The following LRRC19 variants were observed in gnomAD, a reference collection of about 807,000 sequenced individuals.
LRRC19 encodes leucine-rich repeat-containing protein 19.
In LRRC19, 33 loss-of-function variants were observed where a neutral mutation model predicts 33.3. The observed-to-expected ratio is 0.99, with a 90% CI of 0.75 to 1.33. The LOEUF (loss-of-function observed/expected upper bound fraction) is 1.33. LRRC19 is among the 40% of genes most tolerant of loss of function. The pLI is 0.00. For missense variants in LRRC19, 463 were observed against 417.3 expected (o/e 1.11, Z -0.95); for synonymous variants, 184 against 152.3 (o/e 1.21, Z -1.53).
At chr9:26,995,880 AAG>A (rs1175272177) in intron 4 of LRRC19, 31 bp from the exon 5 acceptor site, 1 of 1,510,078 alleles carries the variant, frequency 6.6e-7, no homozygotes, top group Admixed American at 2.2e-5. Context: ...AGGAGAGAGA[AAG>A]AAAATTTGTT....
At chr9:26,999,809 A>AG in intron 1 of LRRC19, 106 bp from the exon 2 acceptor site, 1 of 605,534 alleles carries the variant, frequency 1.7e-6, no homozygotes, top group Non-Finnish European at 2.5e-6. Context: ...ACAGGGTCTC[A>AG]CTCTGTCACA....
At chr9:27,001,300 C>CT (rs1047884153) in intron 1 of LRRC19, among the ~76,000 whole-genome samples, 2 of 151,812 alleles carry the variant, frequency 1.3e-5, no homozygotes, top group African/African-American at 2.4e-5. Flanking sequence ...ATATTCATCT[C>CT]TTTTTTTTAA....
chr9:26,994,612 G>C lies in LRRC19; in HGVS notation c.*909C>G, dbSNP rs1213565848. On this transcript the variant is annotated 3_prime_UTR_variant, in exon 5 of 5. Coordinates refer to ENST00000380055, the MANE Select transcript of LRRC19 (RefSeq NM_022901.3). Reference sequence around the variant, plus strand: ...CTACTAGTTTTTCCTGTAGTAATTTGACCATGTACCTCCTTCTTCTTCTGT... The same window carrying C: ...CTACTAGTTTTTCCTGTAGTAATTTCACCATGTACCTCCTTCTTCTTCTGT... 1 of 149,456 alleles carries C rather than the reference G, an allele frequency of 6.7e-6. No homozygotes were observed. The highest frequency in any genetic ancestry group is 2.0e-4 in the East Asian group (1 of 5,064). The allele number at this position is 149,456 out of a possible 1,614,324, so 9.3% of individuals were successfully genotyped here. A position where few individuals can be genotyped will look rare whatever the true frequency, so the allele number is the denominator to read the frequency against.
chr9:26,996,871 T>G (rs1316577401), intron 3 of LRRC19, among the ~76,000 whole-genome samples: 1 of 152,190 alleles, frequency 6.6e-6, no homozygotes, highest in East Asian at 1.9e-4. Flanking sequence ...ATATTGACTT[T>G]GCTAACAATA....
intron 1 of LRRC19, among the ~76,000 whole-genome samples, chr9:27,003,918 C>G (rs1828639506): frequency 1.3e-5 from 2 of 152,150 alleles, no homozygotes; most frequent in South Asian, 4.1e-4. Flanking sequence ...GTGTTCAGCT[C>G]CTTCAATGGC....
At chr9:27,001,337 C>A (rs1352563458) in intron 1 of LRRC19, among the ~76,000 whole-genome samples, 1 of 151,990 alleles carries the variant, frequency 6.6e-6, no homozygotes, top group Non-Finnish European at 1.5e-5. Context: ...ATTACTGGAT[C>A]AAATGTAAAT....
rs534232228 is a variant in LRRC19 at position 26,993,987 on chromosome 9, T to C, written c.*1534A>G. On this transcript the variant is annotated 3_prime_UTR_variant, in exon 5 of 5. Transcript: ENST00000380055. ...GTTTTTAATGTACTGTTTGCATTGA[T>C]AAATTATTAAATTGTGATTATAGCC... 6.6e-6 allele frequency: 1 copy of C among 152,348 alleles called. No homozygotes were observed. The highest frequency in any genetic ancestry group is 2.4e-5 in the African/African-American group (1 of 41,580). 9.4% of individuals were successfully genotyped at this position (152,348 alleles called of 1,614,324 possible).
intron 1 of LRRC19, among the ~76,000 whole-genome samples, chr9:27,000,910 C>T (rs760146260): frequency 6.6e-6 from 1 of 152,086 alleles, no homozygotes; most frequent in Non-Finnish European, 1.5e-5. Flanking sequence ...TTTTTTTAAG[C>T]AAACTGTATG....
chr9:26,995,863 C>T lies in LRRC19; in HGVS notation c.785-14G>A, dbSNP rs1689509824. ...GAGGTTCATGTTCTTTAATGGAATA[C>T]CAAGAGAGGAGAGAGAAAGAAAATT... On this transcript the variant is annotated splice_polypyrimidine_tract_variant and intron_variant, in intron 4 of 4. Coordinates refer to ENST00000380055, the MANE Select transcript of LRRC19 (RefSeq NM_022901.3). 6.4e-7 allele frequency: 1 copy of T among 1,562,276 alleles called. No individual in the cohort carries two copies. Among genetic ancestry groups the T allele is most frequent in the African/African-American group, 1.4e-5 (1 of 72,806 alleles).
In LRRC19 at chr9:26,995,348, T is replaced by G. The variant is rs1334344569; in HGVS notation, c.*173A>C. 1.9e-6 allele frequency: 1 copy of G among 537,134 alleles called. No homozygotes were observed. Among genetic ancestry groups the G allele is most frequent in the Non-Finnish European group, 3.3e-6 (1 of 300,372 alleles). 33.3% of individuals were successfully genotyped at this position (537,134 alleles called of 1,614,324 possible). ...CTACCGAGGAGTGTCAGTTACTGTA[T>G]TTGAACCTGCTTGCTCAATATAATG... On this transcript the variant is annotated 3_prime_UTR_variant, in exon 5 of 5. Transcript: ENST00000380055.
rs909233568 is a variant in LRRC19, at chr9:26,997,738, A to T, written c.585T>A (p.Asn195Lys). 6.2e-7 allele frequency: 1 copy of T among 1,601,446 alleles called. No individual in the cohort carries two copies. The highest frequency in any genetic ancestry group is 8.5e-7 in the Non-Finnish European group (1 of 1,176,264). ...ATTATGATAGCTTACCTAATGTCAC[A>T]TTTGATGTGTTCAACCAGTTCTGCA... ...FNLQNWLNTS[N>K]VTLENENITM... The change falls in exon 3 of 5, where the codon AAT becomes AAA. Residue 195 changes from asparagine to lysine, a missense_variant. Coordinates refer to ENST00000380055, the MANE Select transcript of LRRC19 (RefSeq NM_022901.3).
In LRRC19 at chr9:26,997,414, A is replaced by G. The variant is rs368360596; in HGVS notation, c.595+314T>C. ...AGTGGCACGATCTCGGCTCACTGTA[A>G]CATCTGCCTCCCAGGTTCAAGCAAT... On this transcript the variant is annotated intron_variant, in intron 3 of 4. Transcript: ENST00000380055. Among the ~76,000 whole-genome samples, 833 of 149,534 alleles carry G rather than the reference A, an allele frequency of 5.6e-3. 10 individuals are homozygous for G. Among genetic ancestry groups the G allele is most frequent in the African/African-American group, 0.019 (783 of 40,580 alleles).
Position 26,995,596 on chromosome 9 carries a change from A to T in LRRC19, c.1038T>A (p.His346Gln). Residue 346 changes from histidine to glutamine, a missense_variant, in exon 5 of 5, where the codon CAT (histidine) becomes CAA (glutamine). His to Gln is a conservative substitution (Grantham distance 24). Transcript: ENST00000380055. ...ATCCATCATCATCTACCACAAATGA[A>T]TGTAATTGTTCAAATATTACTGTAG... is the stretch of plus-strand genomic sequence containing the variant. ...EETTVIFEQL[H>Q]SFVVDDDGFI... The T allele has an allele frequency of 6.2e-7, 1 of 1,605,656 alleles. No individual in the cohort carries two copies.
intron 3 of LRRC19, 128 bp downstream of exon 3, chr9:26,997,600 A>T: frequency 1.0e-6 from 1 of 973,444 alleles, no homozygotes; most frequent in South Asian, 1.8e-5. Context: ...TCCCATAGTG[A>T]TGGGATTACA....
intron 1 of LRRC19, among the ~76,000 whole-genome samples, chr9:27,001,528 T>C (rs908884627): frequency 1.3e-5 from 2 of 152,214 alleles, no homozygotes; most frequent in Non-Finnish European, 2.9e-5. Flanking sequence ...TATATCATTG[T>C]AGTTTTGATT....
chr9:26,997,735 C>T lies in LRRC19; in HGVS notation c.588G>A (p.Val196=), dbSNP rs1277343586. 5 of 1,589,986 alleles carry T rather than the reference C, an allele frequency of 3.1e-6. No individual in the cohort carries two copies. The highest frequency in any genetic ancestry group is 4.3e-6 in the Non-Finnish European group (5 of 1,171,658). ...NLQNWLNTSN[V]TLENENITMC... Reference sequence around the variant, plus strand: ...TTAATTATGATAGCTTACCTAATGTCACATTTGATGTGTTCAACCAGTTCT... The same window carrying T: ...TTAATTATGATAGCTTACCTAATGTTACATTTGATGTGTTCAACCAGTTCT... The change falls in exon 3 of 5, where the codon GTG becomes GTA. Residue 196 remains valine (V), a synonymous_variant. Transcript: ENST00000380055.
rs1247302685 is a variant in LRRC19 at position 26,995,578 on chromosome 9, A to G, written c.1056T>C (p.Asp352=). 1.9e-6 allele frequency: 3 copies of G among 1,599,624 alleles called. No individual in the cohort carries two copies. Among genetic ancestry groups the G allele is most frequent in the African/African-American group, 2.7e-5 (2 of 74,666 alleles). Residue 352 remains aspartate, a synonymous_variant, in exon 5 of 5, where the codon GAT becomes GAC. Transcript: ENST00000380055. ...FEQLHSFVVD[D]DGFIEDKYID... is the part of the protein sequence containing the mutation. ...TATATTTGTCTTCAATAAATCCATC[A>G]TCATCTACCACAAATGAATGTAATT...
chr9:26,995,805 C>T lies in LRRC19; in HGVS notation c.829G>A (p.Val277Ile), dbSNP rs1483776129. The change falls in exon 5 of 5, where the codon GTT becomes ATT. Residue 277 changes from valine (V) to isoleucine (I), a missense_variant. Coordinates refer to ENST00000380055, the MANE Select transcript of LRRC19 (RefSeq NM_022901.3). ...GKSWAFLVGV[V>I]VTVLTTSLLI... ...AGTGAAGTCGTCAGTACAGTGACAACAACACCAACAAGAAAAGCCCAACTT... is the reference window on the plus strand; with the variant it reads ...AGTGAAGTCGTCAGTACAGTGACAATAACACCAACAAGAAAAGCCCAACTT... The T allele has an allele frequency of 6.2e-7, 1 of 1,609,338 alleles. No homozygotes were observed. The highest frequency in any genetic ancestry group is 8.5e-7 in the Non-Finnish European group (1 of 1,177,708).
In LRRC19 at chr9:26,995,326, C is replaced by G; in HGVS notation, c.*195G>C. On this transcript the variant is annotated 3_prime_UTR_variant, in exon 5 of 5. Coordinates refer to ENST00000380055, the MANE Select transcript of LRRC19 (RefSeq NM_022901.3). ...TTGTAGACTATGTAACTGTCAACTACCGAGGAGTGTCAGTTACTGTATTTG... is the reference window on the plus strand; with the variant it reads ...TTGTAGACTATGTAACTGTCAACTAGCGAGGAGTGTCAGTTACTGTATTTG... The G allele has an allele frequency of 2.0e-6, 1 of 492,276 alleles. No homozygotes were observed. The highest frequency in any genetic ancestry group is 3.7e-6 in the Non-Finnish European group (1 of 272,618). 30.5% of individuals were successfully genotyped at this position (492,276 alleles called of 1,614,324 possible). A position where few individuals can be genotyped will look rare whatever the true frequency, so the allele number is the denominator to read the frequency against.
Sources: allele counts gnomAD v4.1 joint callset (sites outside exome capture counted in the v4.1 genomes callset), GRCh38; gene constraint gnomAD v4.1.1; transcripts MANE v1.5; gene names NCBI Gene and HGNC (gene_info 2026-07-23, HGNC 2026-07-21).